COL9A3: variants seen among roughly 807,000 people sequenced by gnomAD.
COL9A3 encodes collagen alpha-3(IX) chain.
COL9A3 carries 82 observed loss-of-function variants against 110.2 expected under a neutral mutation model. That is an observed-to-expected ratio of 0.74 (90% confidence interval 0.62 to 0.89). The LOEUF is 0.89. COL9A3 is among the 40% of genes least tolerant of loss of function. COL9A3 has a pLI of 0.00. For missense variants in COL9A3, 1,066 were observed against 981.3 expected, an observed-to-expected ratio of 1.09 and a Z score of -1.15; for synonymous variants, 494 against 403.8, an observed-to-expected ratio of 1.22 and a Z score of -2.68.
intron 31 of COL9A3, 93 bp downstream of exon 31, chr20:62,838,854 C>T (rs554352460): frequency 4.1e-6 from 4 of 967,732 alleles, no homozygotes; most frequent in East Asian, 2.6e-5. Context: ...ATGAATGGGT[C>T]TCTTTTCCTC....
chr20:62,817,767 A>C (rs1990982542), intron 2 of COL9A3, 132 bp downstream of exon 2: 1 of 668,088 alleles, frequency 1.5e-6, no homozygotes, highest in African/African-American at 1.8e-5. Context: ...ATCAGGGGAC[A>C]GCCAGTGCCT....
intron 14 of COL9A3, 62 bp downstream of exon 14, chr20:62,826,319 T>C (rs1600797920): frequency 6.9e-7 from 1 of 1,441,438 alleles, no homozygotes; most frequent in Non-Finnish European, 9.5e-7. Flanking sequence ...TGTCTGCACC[T>C]CCAGACTTCA....
rs149126795 is a variant in COL9A3, at chr20:62,837,159, C to T, written c.1680C>T (p.Gly560=). The T allele has an allele frequency of 1.5e-4, 242 of 1,612,650 alleles. No homozygotes were observed. The highest frequency in any genetic ancestry group is 1.9e-4 in the Non-Finnish European group (222 of 1,179,836). ...PGSIGRPGPA[G]PPGPPGPPGS... ...CCATTGGTCGGCCCGGTCCAGCTGG[C>T]CCCCCTGGGCCCCCAGGACCCCCAG... is the stretch of plus-strand genomic sequence containing the variant. The change falls in exon 30 of 32, where the codon GGC becomes GGT. Residue 560 remains glycine, a synonymous_variant. Coordinates refer to ENST00000649368, the MANE Select transcript of COL9A3 (RefSeq NM_001853.4).
chr20:62,824,367 C>G, intron 10 of COL9A3, 78 bp from the exon 11 acceptor site: 1 of 1,470,966 alleles, frequency 6.8e-7, no homozygotes, highest in Non-Finnish European at 9.3e-7. Context: ...CTCCTGGGGT[C>G]CCGCGGGCGC....
In COL9A3 at chr20:62,827,305, G is replaced by A. The variant is rs778054084; in HGVS notation, c.846+11G>A. The A allele has an allele frequency of 8.1e-6, 13 of 1,612,902 alleles. No homozygotes were observed. Among genetic ancestry groups the A allele is most frequent in the South Asian group, 7.7e-5 (7 of 91,078 alleles). ...CCCAAGGGTGACCTCGTAAGTGAGA[G>A]GGAAGTTGGTTCCCTGGGTCCTTAT... On this transcript the variant is annotated intron_variant, in intron 16 of 31. Transcript: ENST00000649368.
At position 62,817,101 on chromosome 20, in the gene COL9A3, C is replaced by CTGCTCCTGCTCG. The variant is rs1568745782; in HGVS notation, c.38_49dup (p.Leu16_Gly17insValLeuLeuLeu). ...GCGCGCGTGCGCCCCGCTCCTGCTC[C>CTGCTCCTGCTCG]TGCTCCTGCTCGGGGAGCTTCTGGC... is the stretch of plus-strand genomic sequence containing the variant. On this transcript the variant is annotated inframe_insertion, in exon 1 of 32. Transcript: ENST00000649368. 4 of 1,405,436 alleles carry CTGCTCCTGCTCG rather than the reference C, an allele frequency of 2.8e-6. No individual in the cohort carries two copies. The highest frequency in any genetic ancestry group is 3.7e-6 in the Non-Finnish European group (4 of 1,074,826). 87.1% of individuals were successfully genotyped at this position (1,405,436 alleles called of 1,614,324 possible). A position where few individuals can be genotyped will look rare whatever the true frequency, so the allele number is the denominator to read the frequency against.
intron 26 of COL9A3, among the ~76,000 whole-genome samples, chr20:62,833,697 C>A (rs898510641): frequency 2.0e-5 from 3 of 150,898 alleles, no homozygotes; most frequent in Non-Finnish European, 4.4e-5. Context: ...GCCACCGCGC[C>A]CGGCCGGGGG....
chr20:62,821,953 C>A, intron 8 of COL9A3, 143 bp downstream of exon 8: 1 of 751,500 alleles, frequency 1.3e-6, no homozygotes, highest in Non-Finnish European at 2.4e-6. Context: ...GAAGCCCTGG[C>A]CAATGATCCA....
At chr20:62,821,906 C>G (rs986571912) in intron 8 of COL9A3, 96 bp downstream of exon 8, 3 of 800,010 alleles carry the variant, frequency 3.7e-6, no homozygotes, top group Middle Eastern at 2.2e-4. Flanking sequence ...CTCCCTTTTC[C>G]CTTTCTCCCC....
At chr20:62,821,915 C>G in intron 8 of COL9A3, 105 bp downstream of exon 8, 1 of 783,208 alleles carries the variant, frequency 1.3e-6, no homozygotes, top group South Asian at 1.4e-5. Flanking sequence ...CCCTTTCTCC[C>G]CCAACCCCAC....
intron 10 of COL9A3, among the ~76,000 whole-genome samples, chr20:62,823,133 T>C (rs1219110214): frequency 6.6e-6 from 1 of 152,100 alleles, no homozygotes; most frequent in Non-Finnish European, 1.5e-5. Context: ...GCTCAGGAGT[T>C]TGAGACCAGC....
Position 62,829,503 on chromosome 20 carries a change from T to C in COL9A3, c.1053+4T>C. ...CAAAGGCGAGAAGGGAGAACGGGTA[T>C]GTGGCTGCAGCCGCTTTCTCTCTGG... On this transcript the variant is annotated splice_donor_region_variant and intron_variant, in intron 20 of 31. Transcript: ENST00000649368. 1 of 1,608,346 alleles carries C rather than the reference T, an allele frequency of 6.2e-7. No individual in the cohort carries two copies. Among genetic ancestry groups the C allele is most frequent in the Non-Finnish European group, 8.5e-7 (1 of 1,177,556 alleles).
At chr20:62,829,074 C>A (rs2063575970) in intron 19 of COL9A3, 98 bp downstream of exon 19, 1 of 1,344,704 alleles carries the variant, frequency 7.4e-7, no homozygotes, top group Non-Finnish European at 1.0e-6. Flanking sequence ...GTAGGGCCGA[C>A]TCCCTGTGAG....
At chr20:62,830,645 GT>G in intron 24 of COL9A3, 57 bp downstream of exon 24, 1 of 837,346 alleles carries the variant, frequency 1.2e-6, no homozygotes. Context: ...ATGTACCACA[GT>G]CCCCCACCCC....
At chr20:62,838,595 CTGTT>C in intron 30 of COL9A3, 85 bp from the exon 31 acceptor site, 2 of 1,182,014 alleles carry the variant, frequency 1.7e-6, no homozygotes, top group Non-Finnish European at 2.5e-6. Context: ...AGCTGGCACC[CTGTT>C]TGTTACAAAG....
chr20:62,825,968 TG>T, intron 13 of COL9A3, 98 bp downstream of exon 13: 8 of 1,379,612 alleles, frequency 5.8e-6, no homozygotes, highest in Admixed American at 4.2e-5. Flanking sequence ...CAGCTCCGGC[TG>T]GGGGGTGTTT....
In COL9A3 at chr20:62,840,833, C is replaced by T. The variant is rs1037204922; in HGVS notation, c.*101C>T. On this transcript the variant is annotated 3_prime_UTR_variant, in exon 32 of 32. Transcript: ENST00000649368. ...GGCGGGTGACGTCCAGGAGAGGGAGCGCCCCTGGCTGCCCCTCGGCCGCCG... is the reference window on the plus strand; with the variant it reads ...GGCGGGTGACGTCCAGGAGAGGGAGTGCCCCTGGCTGCCCCTCGGCCGCCG... 8.5e-6 allele frequency: 12 copies of T among 1,406,242 alleles called. No homozygotes were observed. Among genetic ancestry groups the T allele is most frequent in the Middle Eastern group, 1.9e-4 (1 of 5,388 alleles). The allele number at this position is 1,406,242 out of a possible 1,614,324, so 87.1% of individuals were successfully genotyped here.
chr20:62,819,821 ATGCCTCTCTGGACTCAC>A (rs1324571430), intron 4 of COL9A3, 91 bp from the exon 5 acceptor site: 11 of 1,235,208 alleles, frequency 8.9e-6, no homozygotes, highest in African/African-American at 1.5e-5. Context: ...AGGGTCTTCT[ATGCCTCTCTGGACTCAC>A]CAAGGGAAGG....
At chr20:62,840,277 G>A (rs895771953) in intron 31 of COL9A3, among the ~76,000 whole-genome samples, 21 of 150,266 alleles carry the variant, frequency 1.4e-4, no homozygotes, top group African/African-American at 4.4e-4. Flanking sequence ...CACCAAACCC[G>A]CGTAAGTCAG....
Sources: gnomAD v4.1 joint callset for allele counts (sites outside exome capture counted in the v4.1 genomes callset) on GRCh38, gnomAD v4.1.1 for gene constraint, MANE v1.5 for transcripts, NCBI Gene and HGNC (gene_info 2026-07-23, HGNC 2026-07-21) for gene names.